Variants in CDK9 observed in about 807,000 individuals in gnomAD.
CDK9 encodes the protein cyclin dependent kinase 9, also known as cyclin-dependent kinase 9.
A neutral mutation model predicts 39.0 loss-of-function variants in CDK9; 34 were observed. That is an observed-to-expected ratio of 0.87 (90% CI 0.66 to 1.16). The LOEUF (loss-of-function observed/expected upper bound fraction) is 1.16. Ranked by LOEUF, CDK9 falls within the 50% of genes most tolerant of loss-of-function variation. The pLI, the probability that CDK9 is intolerant of heterozygous loss-of-function variation, is 0.00. For synonymous variants in CDK9, 233 were observed against 196.2 expected, an observed-to-expected ratio of 1.19 and a Z score of -1.57; for missense variants, 369 against 503.2, an observed-to-expected ratio of 0.73 and a Z score of 2.55.
chr9:127,787,860 G>T (rs966053297), intron 3 of CDK9, 87 bp from the exon 4 acceptor site: 4 of 1,432,916 alleles, frequency 2.8e-6, no homozygotes, highest in Non-Finnish European at 3.9e-6. Context: ...GTGCCCGTGG[G>T]TTGGAGCAGG....
chr9:127,786,211 G>T lies in CDK9; in HGVS notation c.63G>T (p.Lys21Asn). The change falls in exon 1 of 7, where the codon AAG becomes AAT. Residue 21 changes from lysine to asparagine, a missense_variant. Coordinates refer to ENST00000373264, the MANE Select transcript of CDK9 (RefSeq NM_001261.4). Reference protein sequence around the residue: ...PFCDEVSKYEKLAKIGQGTFG... With the variant: ...PFCDEVSKYENLAKIGQGTFG... ...GTGATGAAGTTTCCAAATACGAGAA[G>T]CTCGCCAAGATCGGCCAAGGCACCT... 1 of 1,609,612 alleles carries T rather than the reference G, an allele frequency of 6.2e-7. No individual in the cohort carries two copies. Among genetic ancestry groups the T allele is most frequent in the Non-Finnish European group, 8.5e-7 (1 of 1,178,428 alleles).
chr9:127,789,249 G>A lies in CDK9; in HGVS notation c.825G>A (p.Val275=). Residue 275 remains valine, a synonymous_variant, in exon 7 of 7, where the codon GTG becomes GTA. Coordinates refer to ENST00000373264, the MANE Select transcript of CDK9 (RefSeq NM_001261.4). This position sits in a 1 kb window ranked among gnomAD's most constrained non-coding sequence, Gnocchi z 5.2. The part of the protein sequence containing the change: ...LELVKGQKRK[V]KDRLKAYVRD... ...TGGTCAAGGGCCAGAAGCGGAAGGTGAAGGACAGGCTGAAGGCCTATGTGC... is the reference window on the plus strand; with the variant it reads ...TGGTCAAGGGCCAGAAGCGGAAGGTAAAGGACAGGCTGAAGGCCTATGTGC... The A allele has an allele frequency of 1.9e-6, 3 of 1,613,122 alleles. No homozygotes were observed. The highest frequency in any genetic ancestry group is 1.1e-5 in the South Asian group (1 of 91,058).
At position 127,786,796 on chromosome 9, in the gene CDK9, G is replaced by C. The variant is rs1044221315; in HGVS notation, c.174+14G>C. 8.1e-6 allele frequency: 13 copies of C among 1,611,612 alleles called. No homozygotes were observed. Among genetic ancestry groups the C allele is most frequent in the East Asian group, 4.5e-5 (2 of 44,838 alleles). On this transcript the variant is annotated intron_variant, in intron 2 of 6. Coordinates refer to ENST00000373264, the MANE Select transcript of CDK9 (RefSeq NM_001261.4). ...GAGAAGGAGGGGGTGAGTACGGATC[G>C]GGCGTGCGGGCCGGCCGGCTAACTG...
In CDK9 at chr9:127,789,366, C is replaced by A; in HGVS notation, c.942C>A (p.Phe314Leu). The A allele has an allele frequency of 6.2e-7, 1 of 1,614,024 alleles. No individual in the cohort carries two copies. The highest frequency in any genetic ancestry group is 8.5e-7 in the Non-Finnish European group (1 of 1,180,036). Residue 314 changes from phenylalanine to leucine, a missense_variant, in exon 7 of 7, where the codon TTC becomes TTA. Transcript: ENST00000373264. The surrounding 1 kb of genome is among the most constrained non-coding windows in gnomAD (Gnocchi z 5.2). ...IDSDDALNHD[F>L]FWSDPMPSDL... ...GCGATGACGCCCTCAACCACGACTT[C>A]TTCTGGTCCGACCCCATGCCCTCCG... is the stretch of plus-strand genomic sequence containing the variant.
In CDK9 at chr9:127,787,576, T is replaced by C; in HGVS notation, c.233T>C (p.Val78Ala). The change falls in exon 3 of 7, where the codon GTG becomes GCG. Residue 78 changes from valine (V) to alanine (A), a missense_variant. Transcript: ENST00000373264. The stretch of plus-strand genomic sequence containing the variant: ...CTTCAGCTTCTAAAACACGAGAATG[T>C]GGTCAACTTGATTGAGATTTGTCGA... ...KILQLLKHEN[V>A]VNLIEICRTK... 1 of 1,613,352 alleles carries C rather than the reference T, an allele frequency of 6.2e-7. No individual in the cohort carries two copies. The highest frequency in any genetic ancestry group is 1.3e-5 in the African/African-American group (1 of 75,042).
chr9:127,786,494 C>A (rs1281267731), intron 1 of CDK9, among the ~76,000 whole-genome samples: 8 of 152,154 alleles, frequency 5.3e-5, no homozygotes, highest in Non-Finnish European at 1.2e-4. Context: ...CCAAGGGACG[C>A]CCAAGTGAGG....
At position 127,787,428 on chromosome 9, in the gene CDK9, C is replaced by T. The variant is rs1829349822; in HGVS notation, c.175-90C>T. 5 of 788,240 alleles carry T rather than the reference C, an allele frequency of 6.3e-6. No individual in the cohort carries two copies. In the South Asian group the frequency reaches 7.9e-5, roughly 12 times the overall value. The allele number at this position is 788,240 out of a possible 1,614,324, so 48.8% of individuals were successfully genotyped here. On this transcript the variant is annotated intron_variant, in intron 2 of 6. Coordinates refer to ENST00000373264, the MANE Select transcript of CDK9 (RefSeq NM_001261.4). ...TGGTTTCAGAGCCCATGATCTTGCT[C>T]TGTCTCCCAACTTGGCTGTCAGTAC...
At chr9:127,787,195 T>C (rs1277713042) in intron 2 of CDK9, among the ~76,000 whole-genome samples, 1 of 152,244 alleles carries the variant, frequency 6.6e-6, no homozygotes, top group African/African-American at 2.4e-5. Context: ...AACCTTCTTT[T>C]GCGTAATGTG....
Position 127,786,274 on chromosome 9 carries a change from GGCC to G in CDK9, c.92+35_92+37del, listed in dbSNP as rs747857637. 6.8e-5 allele frequency: 106 copies of G among 1,561,276 alleles called. 2 individuals carry two copies. The Admixed American group carries it at 1.8e-3, about 27-fold the overall frequency. ...GGGCCCCTCGGGGCCGGGAGCCCTG[GGCC>G]TGCACCCCTAGGGCCGACGTCGGGA... On this transcript the variant is annotated intron_variant, in intron 1 of 6. Transcript: ENST00000373264.
chr9:127,788,516 G>T lies in CDK9; in HGVS notation c.605-28G>T, dbSNP rs1222688787. 4 of 1,539,498 alleles carry T rather than the reference G, an allele frequency of 2.6e-6. No homozygotes were observed. The East Asian group carries it at 9.6e-5, about 37-fold the overall frequency. On this transcript the variant is annotated intron_variant, in intron 5 of 6. Transcript: ENST00000373264. ...CCTCAGGAGGCCCTCGGGCTCAAGG[G>T]GCCCTCCTGGTGCGCTCTTCTTCCC...
rs755547628 is a variant in CDK9, at chr9:127,786,094, A to G, written c.-55A>G. 42 of 1,392,940 alleles carry G rather than the reference A, an allele frequency of 3.0e-5. No homozygotes were observed. Among genetic ancestry groups the G allele is most frequent in the Admixed American group, 1.1e-4 (6 of 53,410 alleles). 86.3% of individuals were successfully genotyped at this position (1,392,940 alleles called of 1,614,324 possible). A position where few individuals can be genotyped will look rare whatever the true frequency, so the allele number is the denominator to read the frequency against. ...GGAGTGCGGCGGCGGCGGGACCCGG[A>G]GCAGGAGCGGCGGCAGCAGCGACTG... On this transcript the variant is annotated 5_prime_UTR_variant, in exon 1 of 7. Coordinates refer to ENST00000373264, the MANE Select transcript of CDK9 (RefSeq NM_001261.4).
intron 1 of CDK9, 39 bp from the exon 2 acceptor site, chr9:127,786,662 T>C (rs1829326967): frequency 1.9e-6 from 3 of 1,569,094 alleles, no homozygotes; most frequent in Non-Finnish European, 2.6e-6. Context: ...CCTGCGGAAA[T>C]GGCCTGATGA....
At chr9:127,787,207 A>G (rs549094764) in intron 2 of CDK9, among the ~76,000 whole-genome samples, 47 of 152,326 alleles carry the variant, frequency 3.1e-4, no homozygotes, top group African/African-American at 1.1e-3. Flanking sequence ...CGTAATGTGC[A>G]TTAGCAAGGA....
rs1471758588 is a variant in CDK9, at chr9:127,788,204, C to T, written c.433-10C>T. ...TGTCACTAAAGGACCCACTCTTGCC[C>T]TTCCTGCAGATCCTGCATAGGGACA... On this transcript the variant is annotated splice_polypyrimidine_tract_variant and intron_variant, in intron 4 of 6. Coordinates refer to ENST00000373264, the MANE Select transcript of CDK9 (RefSeq NM_001261.4). The T allele has an allele frequency of 6.2e-7, 1 of 1,613,942 alleles. No individual in the cohort carries two copies. The highest frequency in any genetic ancestry group is 8.5e-7 in the Non-Finnish European group (1 of 1,179,952).
At chr9:127,788,135 A>G in intron 4 of CDK9, 22 bp downstream of exon 4, 1 of 1,613,968 alleles carries the variant, frequency 6.2e-7, no homozygotes. Flanking sequence ...AGCTGGGAGG[A>G]GGACCCAGGC....
In CDK9 at chr9:127,789,825, C is replaced by T. The variant is rs1829396120; in HGVS notation, c.*282C>T. ...GCCCACCAGTGACTTTTTCTAAGAG[C>T]TCCCGGCGTGGTGGAAGAGGGGACA... On this transcript the variant is annotated 3_prime_UTR_variant, in exon 7 of 7. Transcript: ENST00000373264. This position sits in a 1 kb window ranked among gnomAD's most constrained non-coding sequence, Gnocchi z 5.2. The T allele has an allele frequency of 2.3e-6, 1 of 429,254 alleles. No homozygotes were observed. The highest frequency in any genetic ancestry group is 2.0e-5 in the African/African-American group (1 of 49,606). 26.6% of individuals were successfully genotyped at this position (429,254 alleles called of 1,614,324 possible). A position where few individuals can be genotyped will look rare whatever the true frequency, so the allele number is the denominator to read the frequency against.
chr9:127,786,755 G>A lies in CDK9; in HGVS notation c.147G>A (p.Lys49=), dbSNP rs771561004. Residue 49 remains lysine (K), a synonymous_variant, in exon 2 of 7, where the codon AAG becomes AAA. Transcript: ENST00000373264. ...CCGGCCAGAAGGTGGCTCTGAAGAA[G>A]GTGCTGATGGAAAACGAGAAGGAGG... ...RKTGQKVALK[K]VLMENEKEGF... 1 of 1,614,132 alleles carries A rather than the reference G, an allele frequency of 6.2e-7. No homozygotes were observed. Among genetic ancestry groups the A allele is most frequent in the Non-Finnish European group, 8.5e-7 (1 of 1,180,000 alleles).
chr9:127,786,090 C>G lies in CDK9; in HGVS notation c.-59C>G, dbSNP rs1416111964. 8.1e-6 allele frequency: 11 copies of G among 1,361,476 alleles called. No individual in the cohort carries two copies. Among genetic ancestry groups the G allele is most frequent in the South Asian group, 4.9e-5 (4 of 81,870 alleles). The allele number at this position is 1,361,476 out of a possible 1,614,324, so 84.3% of individuals were successfully genotyped here. A position where few individuals can be genotyped will look rare whatever the true frequency, so the allele number is the denominator to read the frequency against. ...GCCTGGAGTGCGGCGGCGGCGGGACCCGGAGCAGGAGCGGCGGCAGCAGCG... is the reference window on the plus strand; with the variant it reads ...GCCTGGAGTGCGGCGGCGGCGGGACGCGGAGCAGGAGCGGCGGCAGCAGCG... On this transcript the variant is annotated 5_prime_UTR_variant, in exon 1 of 7. Coordinates refer to ENST00000373264, the MANE Select transcript of CDK9 (RefSeq NM_001261.4).
chr9:127,786,294 A>C (rs1829314333), intron 1 of CDK9, 54 bp downstream of exon 1: 3 of 1,402,172 alleles, frequency 2.1e-6, no homozygotes, highest in African/African-American at 3.1e-5. Context: ...CCTAGGGCCG[A>C]CGTCGGGATG....
Sources: gnomAD v4.1 joint callset for allele counts (sites outside exome capture counted in the v4.1 genomes callset) on GRCh38, gnomAD v4.1.1 for gene constraint, Gnocchi (gnomAD v3.1) non-coding constraint, MANE v1.5 for transcripts, NCBI Gene and HGNC (gene_info 2026-07-23, HGNC 2026-07-21) for gene names.